The following SAMMSON variants were observed in gnomAD, a reference collection of about 807,000 sequenced individuals.
SAMMSON encodes long intergenic non-protein coding RNA 1212.
chr3:70,004,277 A>T (rs879337006), intron 1 of SAMMSON, among the ~76,000 whole-genome samples: 2 of 152,224 alleles, frequency 1.3e-5, no homozygotes, highest in Non-Finnish European at 2.9e-5. Context: ...ACCAAGACGT[A>T]TAAAACATTC....
At chr3:70,405,571 T>C (rs1226651980) in intron 2 of SAMMSON, among the ~76,000 whole-genome samples, 5 of 152,178 alleles carry the variant, frequency 3.3e-5, no homozygotes. Context: ...ATTCACAGAA[T>C]GGGCTTAATA....
intron 2 of SAMMSON, among the ~76,000 whole-genome samples, chr3:70,411,928 T>C (rs911450263): frequency 2.0e-5 from 3 of 152,200 alleles, no homozygotes; most frequent in African/African-American, 7.2e-5. Flanking sequence ...GAATGATTTT[T>C]TCTTATGCTT....
At chr3:70,348,608 A>C (rs776711744) in intron 7 of SAMMSON, among the ~76,000 whole-genome samples, 23 of 152,140 alleles carry the variant, frequency 1.5e-4, no homozygotes, top group Non-Finnish European at 2.8e-4. Context: ...ATTGGAGACT[A>C]GGTTTCAACA....
At position 70,056,572 on chromosome 3, in the gene SAMMSON, C is replaced by A. The variant is rs192969703; in HGVS notation, n.418-14904C>A. 9.4e-4 allele frequency among the ~76,000 whole-genome samples: 143 copies of A among 151,396 alleles called. 1 individual carries two copies. The highest frequency in any genetic ancestry group is 3.4e-4 in the Non-Finnish European group (23 of 67,720). On this transcript the variant is annotated intron_variant and non_coding_transcript_variant, in intron 3 of 9. Coordinates refer to ENST00000642114, the Ensembl canonical transcript of SAMMSON. Reference sequence around the variant, plus strand: ...GTTTCTCTCTCTCTCTCTCTCTCCCCCTCTCTTCACTAAAGCTTTTCTTGG... The same window carrying A: ...GTTTCTCTCTCTCTCTCTCTCTCCCACTCTCTTCACTAAAGCTTTTCTTGG...
rs80116186 is a variant in SAMMSON at position 70,140,686 on chromosome 3, G to T, written n.507+69121G>T. Among the ~76,000 whole-genome samples, 297 of 152,194 alleles carry T rather than the reference G, an allele frequency of 2.0e-3. 10 individuals are homozygous for T. In the East Asian group the frequency reaches 0.049, roughly 25 times the overall value. The stretch of plus-strand genomic sequence containing the variant: ...AAGTTCTGTGATCTACAAAAACAAG[G>T]TTTCCTCAGCCAAATATCCAATTTC... On this transcript the variant is annotated intron_variant and non_coding_transcript_variant, in intron 4 of 9. Coordinates refer to ENST00000642114, the Ensembl canonical transcript of SAMMSON.
chr3:70,308,489 T>G (rs532963763), intron 7 of SAMMSON, among the ~76,000 whole-genome samples: 1 of 152,280 alleles, frequency 6.6e-6, no homozygotes, highest in African/African-American at 2.4e-5. Context: ...AGTCTAATTT[T>G]TTGTAACAGC....
At chr3:70,016,264 T>C (rs1166889763) in intron 3 of SAMMSON, among the ~76,000 whole-genome samples, 1 of 152,156 alleles carries the variant, frequency 6.6e-6, no homozygotes, top group Non-Finnish European at 1.5e-5. Flanking sequence ...TTCTAACTGG[T>C]GTGAGATGGA....
At position 70,336,859 on chromosome 3, in the gene SAMMSON, G is replaced by C. The variant is rs901047208; in HGVS notation, n.740-17316G>C. ...GTGTGTGTGTGTGTGTGTGTGTGTG[G>C]AGAGAGAGAGAGGGAGAAAAAATTC... On this transcript the variant is annotated intron_variant and non_coding_transcript_variant, in intron 7 of 9. Transcript: ENST00000642114. Among the ~76,000 whole-genome samples, 3 of 119,194 alleles carry C rather than the reference G, an allele frequency of 2.5e-5. 1 individual carries two copies. Among genetic ancestry groups the C allele is most frequent in the African/African-American group, 9.0e-5 (3 of 33,312 alleles). 78.2% of individuals were successfully genotyped at this position (119,194 alleles called of 152,430 possible). A position where few individuals can be genotyped will look rare whatever the true frequency, so the allele number is the denominator to read the frequency against.
At chr3:70,343,962 T>A (rs796201135) in intron 7 of SAMMSON, among the ~76,000 whole-genome samples, 6 of 151,864 alleles carry the variant, frequency 4.0e-5, no homozygotes, top group African/African-American at 1.4e-4. Flanking sequence ...CAAATTGTTC[T>A]ATCTTTGGTC....
At chr3:70,389,883 A>G (rs575764805), downstream of SAMMSON, 1 of 152,180 alleles carries the variant, frequency 6.6e-6, no homozygotes, top group African/African-American at 2.4e-5. Flanking sequence ...AAGTAGATTT[A>G]AGAAGAAATT....
chr3:70,043,027 A>T (rs951809812), intron 3 of SAMMSON, among the ~76,000 whole-genome samples: 3 of 152,280 alleles, frequency 2.0e-5, no homozygotes, highest in African/African-American at 7.2e-5. Flanking sequence ...GGTGTTTTAA[A>T]GAGAAGTTGT....
chr3:70,236,490 C>G (rs1701610274), intron 4 of SAMMSON, among the ~76,000 whole-genome samples: 1 of 152,118 alleles, frequency 6.6e-6, no homozygotes, highest in Non-Finnish European at 1.5e-5. Context: ...ATGTGTAAGC[C>G]TTCATGTATT....
At chr3:70,036,195 A>G (rs1026029489) in intron 3 of SAMMSON, among the ~76,000 whole-genome samples, 1 of 152,326 alleles carries the variant, frequency 6.6e-6, no homozygotes, top group Middle Eastern at 3.4e-3. Flanking sequence ...CCACACTTTC[A>G]GCTTCTTTAT....
chr3:70,286,388 T>C (rs1225807795), intron 6 of SAMMSON, among the ~76,000 whole-genome samples: 1 of 152,088 alleles, frequency 6.6e-6, no homozygotes, highest in African/African-American at 2.4e-5. Flanking sequence ...GCATTATTTC[T>C]GAGGGCTCTG....
At chr3:70,431,304 T>C (rs1438784635) in intron 2 of SAMMSON, among the ~76,000 whole-genome samples, 1 of 152,098 alleles carries the variant, frequency 6.6e-6, no homozygotes, top group Non-Finnish European at 1.5e-5. Flanking sequence ...TAGAAGTTCA[T>C]CAATTTCTCT....
chr3:70,049,046 G>T (rs1018627345), intron 3 of SAMMSON, among the ~76,000 whole-genome samples: 1 of 152,108 alleles, frequency 6.6e-6, no homozygotes, highest in African/African-American at 2.4e-5. Flanking sequence ...TAAGATAAAA[G>T]ATCAAAGAGA....
chr3:70,020,776 G>C (rs184048417), intron 3 of SAMMSON, among the ~76,000 whole-genome samples: 71 of 152,164 alleles, frequency 4.7e-4, no homozygotes, highest in Non-Finnish European at 6.2e-4. Context: ...TACAATTCAG[G>C]CATGATGCAA....
At chr3:70,310,947 G>T (rs1015277179) in intron 7 of SAMMSON, among the ~76,000 whole-genome samples, 1 of 151,920 alleles carries the variant, frequency 6.6e-6, no homozygotes, top group African/African-American at 2.4e-5. Flanking sequence ...ACTCTTTAAG[G>T]CTCAATTTTC....
chr3:70,383,237 A>G (rs1200926749), intron 9 of SAMMSON, among the ~76,000 whole-genome samples: 1 of 151,058 alleles, frequency 6.6e-6, no homozygotes, highest in Admixed American at 6.6e-5. Flanking sequence ...AAGACATATC[A>G]CTCCTTCAGT....
Sources: allele counts gnomAD v4.1 joint callset (sites outside exome capture counted in the v4.1 genomes callset), GRCh38; gene constraint gnomAD v4.1.1; transcripts MANE v1.5; gene names NCBI Gene and HGNC (gene_info 2026-07-23, HGNC 2026-07-21).